The following DLGAP2 variants were observed in gnomAD, a reference collection of about 807,000 sequenced individuals.
DLGAP2 encodes disks large-associated protein 2.
Under a neutral mutation model 100.3 loss-of-function variants are expected in DLGAP2, and 26 were observed. The observed-to-expected ratio is 0.26, with a 90% confidence interval of 0.19 to 0.36. The LOEUF (loss-of-function observed/expected upper bound fraction) is 0.36. Among genes scored for constraint, DLGAP2 ranks in the 10% least tolerant of loss-of-function variants. The pLI, the probability that DLGAP2 is intolerant of heterozygous loss-of-function variation, is 1.00. For missense variants in DLGAP2, 1,858 were observed against 1,453.2 expected, an observed-to-expected ratio of 1.28 and a Z score of -4.53; for synonymous variants, 886 against 630.1, an observed-to-expected ratio of 1.41 and a Z score of -6.08.
rs539491099 is a variant in DLGAP2, at chr8:880,492, C to G, written c.19-27420C>G. ...CGACATGGCATCCGTGCTGGGGAGA[C>G]TTTGTAGGTGGGTCGGGGTGACCGT... is the stretch of plus-strand genomic sequence containing the variant. On this transcript the variant is annotated intron_variant, in intron 1 of 14. Coordinates refer to ENST00000637795, the MANE Select transcript of DLGAP2 (RefSeq NM_001346810.2). Among the ~76,000 whole-genome samples the G allele has an allele frequency of 1.3e-4, 20 of 151,834 alleles. No individual in the cohort carries two copies. In the South Asian group the frequency reaches 4.0e-3, roughly 30 times the overall value.
chr8:743,111 A>G (rs528949916), intron 1 of DLGAP2, among the ~76,000 whole-genome samples: 2 of 152,170 alleles, frequency 1.3e-5, no homozygotes, highest in Non-Finnish European at 2.9e-5. Flanking sequence ...ATCTCTTGCC[A>G]CTTTCCAAAA....
chr8:1,065,791 C>T (rs758282567), intron 2 of DLGAP2, among the ~76,000 whole-genome samples: 2 of 152,202 alleles, frequency 1.3e-5, no homozygotes, highest in Non-Finnish European at 2.9e-5. Flanking sequence ...ACTGTCGAAG[C>T]CCCCAAATAG....
chr8:1,584,932 C>T (rs1796070448), intron 6 of DLGAP2, among the ~76,000 whole-genome samples: 1 of 152,090 alleles, frequency 6.6e-6, no homozygotes, highest in Non-Finnish European at 1.5e-5. Context: ...TAGTCTTATT[C>T]TAACTTTTTT....
intron 3 of DLGAP2, among the ~76,000 whole-genome samples, chr8:1,266,006 A>T (rs139100886): frequency 3.9e-5 from 6 of 152,232 alleles, no homozygotes; most frequent in African/African-American, 1.4e-4. Flanking sequence ...GATTCAAGAT[A>T]TGCAAAGAAA....
At chr8:1,294,774 C>G (rs1177138090) in intron 3 of DLGAP2, among the ~76,000 whole-genome samples, 1 of 151,552 alleles carries the variant, frequency 6.6e-6, no homozygotes, top group South Asian at 2.1e-4. Flanking sequence ...GAGGCTGAGA[C>G]AGTAGGATTG....
chr8:786,206 A>C (rs1269080404), intron 1 of DLGAP2, among the ~76,000 whole-genome samples: 1 of 152,072 alleles, frequency 6.6e-6, no homozygotes, highest in African/African-American at 2.4e-5. Context: ...CCTCTGGCTC[A>C]TCAGTTTCCT....
intron 3 of DLGAP2, chr8:1,259,545 G>C (rs1799302740): frequency 6.6e-6 from 1 of 152,230 alleles, no homozygotes; most frequent in African/African-American, 2.4e-5. Flanking sequence ...TTGATTTCGA[G>C]GTCTGCTTTC....
At chr8:1,665,697 T>C (rs905668806) in intron 8 of DLGAP2, among the ~76,000 whole-genome samples, 1 of 152,240 alleles carries the variant, frequency 6.6e-6, no homozygotes, top group Admixed American at 6.5e-5. Context: ...GAGAGGTCAT[T>C]GAGAGCCCCC....
At chr8:1,334,095 G>A (rs1237575153) in intron 3 of DLGAP2, among the ~76,000 whole-genome samples, 3 of 152,254 alleles carry the variant, frequency 2.0e-5, no homozygotes. Context: ...AACAGCTCAT[G>A]CCTGGACTGG....
At chr8:1,628,269 C>A (rs564385751) in intron 7 of DLGAP2, among the ~76,000 whole-genome samples, 33 of 145,974 alleles carry the variant, frequency 2.3e-4, no homozygotes, top group Admixed American at 4.7e-4. Context: ...CCTGAGCTGA[C>A]CTCACATTCT....
chr8:1,651,561 C>T (rs192566223), intron 8 of DLGAP2, among the ~76,000 whole-genome samples: 107 of 152,284 alleles, frequency 7.0e-4, no homozygotes, highest in Non-Finnish European at 1.3e-3. Context: ...GCGGCTGGGG[C>T]GTCCATCCCT....
chr8:987,381 T>C (rs1800518669), intron 2 of DLGAP2, among the ~76,000 whole-genome samples: 2 of 152,146 alleles, frequency 1.3e-5, no homozygotes, highest in Non-Finnish European at 2.9e-5. Flanking sequence ...CTTGCACACC[T>C]GTAGAAATCG....
intron 2 of DLGAP2, among the ~76,000 whole-genome samples, chr8:1,250,128 C>T (rs548632981): frequency 1.3e-5 from 2 of 152,294 alleles, no homozygotes; most frequent in Admixed American, 1.3e-4. Context: ...ATCTGCCTGC[C>T]TCAGCCTCCC....
intron 2 of DLGAP2, among the ~76,000 whole-genome samples, chr8:1,093,567 C>T (rs532276524): frequency 1.3e-5 from 2 of 151,418 alleles, no homozygotes; most frequent in African/African-American, 2.4e-5. Context: ...ACCCTCACAC[C>T]GACAGCCAGA....
At chr8:1,695,365 G>A (rs190795037) in intron 13 of DLGAP2, among the ~76,000 whole-genome samples, 12 of 112,160 alleles carry the variant, frequency 1.1e-4, no homozygotes, top group East Asian at 9.6e-4. Context: ...GCACAGCCAT[G>A]CCCGGCCCTA....
intron 2 of DLGAP2, among the ~76,000 whole-genome samples, chr8:1,166,412 A>T (rs967860762): frequency 1.3e-5 from 2 of 152,182 alleles, no homozygotes; most frequent in Non-Finnish European, 2.9e-5. Flanking sequence ...TTGACTTCTG[A>T]TAGCTCAAGC....
At chr8:1,362,654 T>C (rs1802013343) in intron 3 of DLGAP2, among the ~76,000 whole-genome samples, 1 of 152,204 alleles carries the variant, frequency 6.6e-6, no homozygotes, top group African/African-American at 2.4e-5. Context: ...TCTGAAAGCA[T>C]TTTACAGTGG....
chr8:1,549,596 G>A lies in DLGAP2; in HGVS notation c.1143G>A (p.Glu381=). 6.2e-7 allele frequency: 1 copy of A among 1,608,930 alleles called. No homozygotes were observed. Among genetic ancestry groups the A allele is most frequent in the Non-Finnish European group, 8.5e-7 (1 of 1,178,510 alleles). The change falls in exon 5 of 15, where the codon GAG becomes GAA. Residue 381 remains glutamate (E), a synonymous_variant. Coordinates refer to ENST00000637795, the MANE Select transcript of DLGAP2 (RefSeq NM_001346810.2). ...WSTLTVSQAK[E]AYRKSSLNLD... ...CGCTGACGGTCAGCCAGGCCAAGGA[G>A]GCCTACCGCAAGAGCTCGCTGAACC...
At chr8:1,681,464 C>T (rs1183784104) in intron 12 of DLGAP2, among the ~76,000 whole-genome samples, 1 of 151,742 alleles carries the variant, frequency 6.6e-6, no homozygotes, top group African/African-American at 2.4e-5. Flanking sequence ...GAGACCTTGT[C>T]TCTACCAAAA....
Sources: allele counts gnomAD v4.1 joint callset (sites outside exome capture counted in the v4.1 genomes callset), GRCh38; gene constraint gnomAD v4.1.1; transcripts MANE v1.5; gene names NCBI Gene and HGNC (gene_info 2026-07-23, HGNC 2026-07-21).